The following PRKCE variants were observed in gnomAD, a reference collection of about 807,000 sequenced individuals.
PRKCE encodes protein kinase C epsilon type.
Under a neutral mutation model 85.4 loss-of-function variants are expected in PRKCE, and 16 were observed. The ratio of observed to expected loss-of-function variants is 0.19; its 90% CI spans 0.13 to 0.28. The LOEUF is 0.28. Ranked by LOEUF, PRKCE falls within the 10% of genes least tolerant of loss-of-function variation. The probability of loss-of-function intolerance (pLI) is 1.00; values close to 1 mark genes in which losing one functional copy is unlikely to be tolerated. For synonymous variants in PRKCE, 388 were observed against 371.5 expected, an observed-to-expected ratio of 1.04 and a Z score of -0.51; for missense variants, 573 against 975.2, an observed-to-expected ratio of 0.59 and a Z score of 5.49.
At chr2:45,918,787 G>A (rs968494803) in intron 2 of PRKCE, among the ~76,000 whole-genome samples, 1 of 152,212 alleles carries the variant, frequency 6.6e-6, no homozygotes. Flanking sequence ...GAATGGGAAG[G>A]GAGGGGAGAA....
At chr2:45,664,324 T>C (rs1399331252) in intron 1 of PRKCE, among the ~76,000 whole-genome samples, 3 of 152,222 alleles carry the variant, frequency 2.0e-5, no homozygotes, top group Admixed American at 2.0e-4. Flanking sequence ...GGACAAATAA[T>C]TTAGCCTATA....
chr2:45,936,018 A>G (rs1302345687), intron 2 of PRKCE, among the ~76,000 whole-genome samples: 1 of 152,176 alleles, frequency 6.6e-6, no homozygotes, highest in Non-Finnish European at 1.5e-5. Context: ...TTGGTGAGGC[A>G]GCAGTGTGTG....
chr2:46,076,395 G>A (rs1334246115), intron 10 of PRKCE, among the ~76,000 whole-genome samples: 2 of 152,296 alleles, frequency 1.3e-5, no homozygotes, highest in African/African-American at 4.8e-5. Context: ...CTTTCCCGTG[G>A]CTTTCACACA....
chr2:46,037,297 C>T (rs1016280064), intron 10 of PRKCE, among the ~76,000 whole-genome samples: 2 of 152,188 alleles, frequency 1.3e-5, no homozygotes, highest in Admixed American at 6.5e-5. Context: ...GGCGTACTGG[C>T]GCTGAAGATA....
chr2:45,928,696 G>A (rs1698813303), intron 2 of PRKCE, among the ~76,000 whole-genome samples: 1 of 152,176 alleles, frequency 6.6e-6, no homozygotes, highest in African/African-American at 2.4e-5. Flanking sequence ...GGCAAGAATC[G>A]AGACAGAGAT....
chr2:45,701,917 G>A (rs538495147), intron 1 of PRKCE, among the ~76,000 whole-genome samples: 1 of 152,304 alleles, frequency 6.6e-6, no homozygotes, highest in African/African-American at 2.4e-5. Context: ...GATGGGCCAG[G>A]CGCGGTGGCT....
At chr2:45,769,297 C>T (rs143894344) in intron 1 of PRKCE, among the ~76,000 whole-genome samples, 1 of 152,132 alleles carries the variant, frequency 6.6e-6, no homozygotes, top group African/African-American at 2.4e-5. Context: ...TCTCCTTCCT[C>T]CCCATGGATA....
At chr2:45,661,523 GTTTTTTGT>G (rs1675648704) in intron 1 of PRKCE, among the ~76,000 whole-genome samples, 1 of 96,656 alleles carries the variant, frequency 1.0e-5, no homozygotes, top group African/African-American at 3.9e-5. Flanking sequence ...TTTGTTTTTT[GTTTTTTGT>G]TTTTTTTTTT....
At chr2:46,126,999 T>G (rs1009791623) in intron 11 of PRKCE, among the ~76,000 whole-genome samples, 5 of 152,040 alleles carry the variant, frequency 3.3e-5, no homozygotes, top group African/African-American at 1.2e-4. Context: ...AAATCTAGAG[T>G]CAGTGAGTGC....
chr2:45,949,317 C>T (rs1411505069), intron 2 of PRKCE, among the ~76,000 whole-genome samples: 3 of 150,558 alleles, frequency 2.0e-5, no homozygotes, highest in Non-Finnish European at 4.4e-5. Context: ...TGTGGCATCC[C>T]ACTGTTTTAA....
chr2:45,768,837 A>T (rs916862482), intron 1 of PRKCE, among the ~76,000 whole-genome samples: 6 of 152,238 alleles, frequency 3.9e-5, no homozygotes, highest in Non-Finnish European at 8.8e-5. Context: ...ATGCTTAATT[A>T]TATCCAAATG....
intron 2 of PRKCE, among the ~76,000 whole-genome samples, chr2:45,958,043 A>G (rs1267081209): frequency 2.0e-5 from 3 of 151,376 alleles, no homozygotes; most frequent in African/African-American, 7.3e-5. Flanking sequence ...CCAGCAGTGT[A>G]TGTTTGAGCA....
intron 1 of PRKCE, among the ~76,000 whole-genome samples, chr2:45,793,045 C>G (rs542015984): frequency 1.8e-4 from 28 of 152,318 alleles, no homozygotes; most frequent in Admixed American, 1.8e-3. Context: ...GTGATCTGCC[C>G]GCCTTGGCCT....
At chr2:45,961,046 C>G (rs1377502859) in intron 2 of PRKCE, among the ~76,000 whole-genome samples, 1 of 152,200 alleles carries the variant, frequency 6.6e-6, no homozygotes, top group African/African-American at 2.4e-5. Flanking sequence ...AATACCAGGA[C>G]TTTAGCGTCT....
chr2:45,969,807 C>T (rs1701988795), intron 2 of PRKCE, among the ~76,000 whole-genome samples: 1 of 152,242 alleles, frequency 6.6e-6, no homozygotes, highest in Non-Finnish European at 1.5e-5. Flanking sequence ...TATCTTCAGC[C>T]TGCAAATTTG....
At chr2:45,822,613 G>A (rs11889156) in intron 1 of PRKCE, among the ~76,000 whole-genome samples, 1,747 of 152,330 alleles carry the variant, frequency 0.011, 36 homozygotes, top group African/African-American at 0.039. Context: ...TGTGCCATGG[G>A]ATTTGCACTT....
intron 2 of PRKCE, among the ~76,000 whole-genome samples, chr2:45,894,583 G>A (rs190143794): frequency 6.6e-6 from 1 of 152,144 alleles, no homozygotes; most frequent in Non-Finnish European, 1.5e-5. Context: ...ATGAGGGTTG[G>A]TGATACATTT....
chr2:45,972,390 A>G (rs1702167944), intron 2 of PRKCE, among the ~76,000 whole-genome samples: 1 of 152,202 alleles, frequency 6.6e-6, no homozygotes, highest in Non-Finnish European at 1.5e-5. Flanking sequence ...TACAGTTTGC[A>G]AATGATTTTT....
At chr2:45,958,812 ATATATTTTTTTTTTTTTTTTT>A (rs1466408344) in intron 2 of PRKCE, among the ~76,000 whole-genome samples, 1,249 of 26,788 alleles carry the variant, frequency 0.047, 75 homozygotes, top group East Asian at 0.26. Flanking sequence ...ATATATATAT[ATATATTTTTTTTTTTTTTTTT>A]TTTTTTTTTT....
Sources: allele counts gnomAD v4.1 joint callset (sites outside exome capture counted in the v4.1 genomes callset), GRCh38; gene constraint gnomAD v4.1.1; transcripts MANE v1.5; gene names NCBI Gene and HGNC (gene_info 2026-07-23, HGNC 2026-07-21).